DAB1: variants seen among roughly 807,000 people sequenced by gnomAD.
The protein encoded by DAB1 is disabled homolog 1.
Under a neutral mutation model 64.6 loss-of-function variants are expected in DAB1, and 15 were observed. The observed-to-expected ratio is 0.23, with a 90% CI of 0.16 to 0.36. The LOEUF is 0.36. DAB1 is among the 10% of genes least tolerant of loss of function. DAB1 has a pLI of 1.00. For missense variants in DAB1, 596 were observed against 706.7 expected, an observed-to-expected ratio of 0.84 and a Z score of 1.78; for synonymous variants, 235 against 251.9, an observed-to-expected ratio of 0.93 and a Z score of 0.64.
intron 6 of DAB1, among the ~76,000 whole-genome samples, chr1:57,681,358 T>C (rs902291036): frequency 1.3e-5 from 2 of 152,154 alleles, no homozygotes; most frequent in Admixed American, 6.5e-5. Flanking sequence ...ATTAACTACA[T>C]CTGCAAAAAC....
At chr1:57,812,832 A>G (rs1451583001) in intron 6 of DAB1, among the ~76,000 whole-genome samples, 1 of 152,208 alleles carries the variant, frequency 6.6e-6, no homozygotes, top group African/African-American at 2.4e-5. Context: ...GACAGCTTTC[A>G]CAATCCCTAT....
At chr1:58,169,971 G>T (rs1395866644) in intron 4 of DAB1, among the ~76,000 whole-genome samples, 1 of 152,222 alleles carries the variant, frequency 6.6e-6, no homozygotes, top group Non-Finnish European at 1.5e-5. Flanking sequence ...ATGTCCTACA[G>T]GGTCTAGGGC....
intron 2 of DAB1, among the ~76,000 whole-genome samples, chr1:57,167,524 C>T (rs1316495142): frequency 6.6e-6 from 1 of 152,138 alleles, no homozygotes; most frequent in African/African-American, 2.4e-5. Context: ...ACTTGACAAT[C>T]TCACACTCTC....
intron 5 of DAB1, among the ~76,000 whole-genome samples, chr1:57,923,395 A>G (rs978455109): frequency 1.8e-4 from 28 of 152,206 alleles, no homozygotes; most frequent in African/African-American, 3.9e-4. Flanking sequence ...TTGCATCAGT[A>G]TGGCAGGGCA....
intron 3 of DAB1, among the ~76,000 whole-genome samples, chr1:58,484,570 C>T (rs1645542839): frequency 6.6e-6 from 1 of 152,082 alleles, no homozygotes; most frequent in South Asian, 2.1e-4. Flanking sequence ...GATGAGGAAA[C>T]TGAGTCTCAG....
intron 2 of DAB1, among the ~76,000 whole-genome samples, chr1:58,508,445 T>C (rs1441883252): frequency 6.6e-6 from 1 of 152,168 alleles, no homozygotes; most frequent in Non-Finnish European, 1.5e-5. Flanking sequence ...CTAGGTGCAA[T>C]GCTTCTGCAC....
At chr1:57,324,329 C>T (rs761402921) in intron 1 of DAB1, among the ~76,000 whole-genome samples, 14 of 152,172 alleles carry the variant, frequency 9.2e-5, no homozygotes, top group Non-Finnish European at 2.1e-4. Context: ...GATATCCTAA[C>T]TTAAGAAAGA....
intron 3 of DAB1, among the ~76,000 whole-genome samples, chr1:58,501,263 T>C (rs1021759088): frequency 7.9e-5 from 12 of 152,214 alleles, no homozygotes; most frequent in Non-Finnish European, 1.6e-4. Flanking sequence ...TGCTTTTTTT[T>C]CTAATGTGAT....
At chr1:57,204,401 C>T (rs61765582) in intron 2 of DAB1, among the ~76,000 whole-genome samples, 15,109 of 150,108 alleles carry the variant, frequency 0.1, 791 homozygotes, top group South Asian at 0.18. Flanking sequence ...AAGGCACCTC[C>T]ACAGACCTAA....
chr1:58,444,585 C>A (rs946319236), intron 3 of DAB1, among the ~76,000 whole-genome samples: 6 of 152,206 alleles, frequency 3.9e-5, no homozygotes, highest in Non-Finnish European at 7.3e-5. Flanking sequence ...GCACCATCAG[C>A]ATTTACTGCA....
chr1:58,072,791 G>A (rs1002487766), intron 5 of DAB1, among the ~76,000 whole-genome samples: 15 of 152,164 alleles, frequency 9.9e-5, no homozygotes, highest in East Asian at 3.9e-4. Flanking sequence ...CCTTGAATTC[G>A]TGATACAGCT....
intron 7 of DAB1, among the ~76,000 whole-genome samples, chr1:57,519,520 C>A (rs1644501003): frequency 1.3e-5 from 2 of 152,120 alleles, no homozygotes; most frequent in African/African-American, 2.4e-5. Flanking sequence ...ATGAAAGAGT[C>A]CCCTGGACAT....
intron 4 of DAB1, among the ~76,000 whole-genome samples, chr1:58,242,871 G>A (rs140832567): frequency 2.6e-4 from 39 of 151,964 alleles, no homozygotes; most frequent in African/African-American, 8.0e-4. Flanking sequence ...GAAACAGTTC[G>A]CCCTCATATG....
chr1:57,943,121 A>G (rs1171499494), intron 5 of DAB1, among the ~76,000 whole-genome samples: 3 of 152,248 alleles, frequency 2.0e-5, no homozygotes, highest in Non-Finnish European at 4.4e-5. Flanking sequence ...TAAAAGGCTC[A>G]TTAGGGACCA....
At chr1:57,251,630 T>G (rs1003626175) in intron 2 of DAB1, among the ~76,000 whole-genome samples, 3 of 152,158 alleles carry the variant, frequency 2.0e-5, no homozygotes, top group Non-Finnish European at 4.4e-5. Flanking sequence ...CCCTTGATTT[T>G]CTCATTTCAG....
chr1:57,392,712 G>A (rs948020214), intron 1 of DAB1, among the ~76,000 whole-genome samples: 1 of 152,238 alleles, frequency 6.6e-6, no homozygotes, highest in African/African-American at 2.4e-5. Context: ...ATTCCATTAT[G>A]TGGAAGAGCA....
intron 2 of DAB1, among the ~76,000 whole-genome samples, chr1:57,257,154 C>T (rs932433891): frequency 2.6e-5 from 4 of 152,224 alleles, no homozygotes; most frequent in Non-Finnish European, 5.9e-5. Context: ...ATGGTCTCCA[C>T]TCTTGGGGTT....
intron 1 of DAB1, among the ~76,000 whole-genome samples, chr1:57,374,713 C>T (rs922401901): frequency 6.6e-6 from 1 of 152,182 alleles, no homozygotes; most frequent in East Asian, 1.9e-4. Flanking sequence ...CCCCTGGCTG[C>T]ACACTACAAT....
chr1:57,633,947 G>A (rs1040518861), intron 7 of DAB1, among the ~76,000 whole-genome samples: 3 of 152,206 alleles, frequency 2.0e-5, no homozygotes, highest in Non-Finnish European at 4.4e-5. Flanking sequence ...TGCTTTATCA[G>A]TCAAAATTTT....
Sources: gnomAD v4.1 joint callset for allele counts (sites outside exome capture counted in the v4.1 genomes callset) on GRCh38, gnomAD v4.1.1 for gene constraint, MANE v1.5 for transcripts, NCBI Gene and HGNC (gene_info 2026-07-23, HGNC 2026-07-21) for gene names.